The following CNGB1 variants were observed in gnomAD, a reference collection of about 807,000 sequenced individuals.
CNGB1 encodes the protein cyclic nucleotide gated channel subunit beta 1.
A neutral mutation model predicts 151.7 loss-of-function variants in CNGB1; 126 were observed. The ratio of observed to expected loss-of-function variants is 0.83; its 90% CI spans 0.72 to 0.96. CNGB1 has a LOEUF of 0.96. Among genes scored for constraint, CNGB1 ranks in the 40% least tolerant of loss-of-function variants. CNGB1 has a pLI of 0.00. For synonymous variants in CNGB1, 623 were observed against 635.1 expected (o/e 0.98, Z 0.29); for missense variants, 1,698 against 1,627.0 (o/e 1.04, Z -0.75).
chr16:57,921,828 C>T (rs966377269), intron 18 of CNGB1, among the ~76,000 whole-genome samples: 1 of 152,122 alleles, frequency 6.6e-6, no homozygotes, highest in Non-Finnish European at 1.5e-5. Context: ...TGGAGCAGAA[C>T]CTTCTGCTGA....
At position 57,884,381 on chromosome 16, in the gene CNGB1, G is replaced by A; in HGVS notation, c.3539C>T (p.Ala1180Val). The A allele has an allele frequency of 6.2e-7, 1 of 1,612,442 alleles. No homozygotes were observed. The highest frequency in any genetic ancestry group is 8.5e-7 in the Non-Finnish European group (1 of 1,179,552). The change falls in exon 33 of 33, where the codon GCC becomes GTC. Residue 1180 changes from alanine (A) to valine (V), a missense_variant. Coordinates refer to ENST00000251102, the MANE Select transcript of CNGB1 (RefSeq NM_001297.5). ...PDQHTHPKEAATDPPAPRTPP... is the reference protein window; with the variant it reads ...PDQHTHPKEAVTDPPAPRTPP... Reference sequence around the variant, plus strand: ...CGTCCGGGGCGCGGGTGGGTCGGTGGCGGCCTCCTTTGGGTGCGTGTGCTG... The same window carrying A: ...CGTCCGGGGCGCGGGTGGGTCGGTGACGGCCTCCTTTGGGTGCGTGTGCTG...
At chr16:57,886,434 C>T (rs530929135) in intron 32 of CNGB1, among the ~76,000 whole-genome samples, 1 of 152,310 alleles carries the variant, frequency 6.6e-6, no homozygotes, top group Admixed American at 6.5e-5. Context: ...TTGCCAGCTC[C>T]ACCTTGACCT....
chr16:57,944,238 T>G (rs916887013), intron 14 of CNGB1, among the ~76,000 whole-genome samples: 3 of 152,326 alleles, frequency 2.0e-5, no homozygotes, highest in East Asian at 1.9e-4. Context: ...TTTTGTCATT[T>G]GTGAACCTTG....
In CNGB1 at chr16:57,921,198, G is replaced by A. The variant is rs145801476; in HGVS notation, c.1644-654C>T. ...TTTTTGAGCTCAACTGAGGAAGACG[G>A]GCTGGAGAAAATGAGGCTCTTTTTT... On this transcript the variant is annotated intron_variant, in intron 18 of 32. Transcript: ENST00000251102. Among the ~76,000 whole-genome samples, 684 of 150,856 alleles carry A rather than the reference G, an allele frequency of 4.5e-3. 8 individuals are homozygous for A. The highest frequency in any genetic ancestry group is 0.016 in the African/African-American group (651 of 40,924).
rs1960722951 is a variant in CNGB1 at position 57,911,815 on chromosome 16, G to A, written c.2430C>T (p.Tyr810=). 2 of 1,614,126 alleles carry A rather than the reference G, an allele frequency of 1.2e-6. No homozygotes were observed. The highest frequency in any genetic ancestry group is 4.5e-5 in the East Asian group (2 of 44,882). The change falls in exon 25 of 33, where the codon TAC becomes TAT. Residue 810 remains tyrosine (Y), a synonymous_variant. Transcript: ENST00000251102. ...CGAGGCCCTGATAGGCCGATGCCCAGTAATAAAGACAGGAATTCAAATGCA... is the reference window on the plus strand; with the variant it reads ...CGAGGCCCTGATAGGCCGATGCCCAATAATAAAGACAGGAATTCAAATGCA... ...YSLHLNSCLY[Y]WASAYQGLGS...
Position 57,964,503 on chromosome 16 carries a change from T to C in CNGB1, c.201A>G (p.Ala67=). 1.2e-6 allele frequency: 2 copies of C among 1,614,166 alleles called. No homozygotes were observed. The change falls in exon 3 of 33, where the codon GCA becomes GCG. Residue 67 remains alanine, a synonymous_variant. Transcript: ENST00000251102. ...ESFKEEEVAV[A]DPSPQETKEA... ...CGCACTCACCCTGAGGGCTTGGGTC[T>C]GCCACAGCCACTTCCTCCTCCTTGA...
At position 57,884,128 on chromosome 16, in the gene CNGB1, T is replaced by TGCTGGAACTGCGC. The variant is rs757224951; in HGVS notation, c.*23_*35dup. ...GCGCAGCGGGCGCTGGGGACACACC[T>TGCTGGAACTGCGC]GCTGGAACTGCGCGCGGGATCCGCC... On this transcript the variant is annotated 3_prime_UTR_variant, in exon 33 of 33. Transcript: ENST00000251102. 3.3e-5 allele frequency: 54 copies of TGCTGGAACTGCGC among 1,613,644 alleles called. No homozygotes were observed. Among genetic ancestry groups the TGCTGGAACTGCGC allele is most frequent in the Non-Finnish European group, 4.5e-5 (53 of 1,179,784 alleles).
intron 12 of CNGB1, chr16:57,954,802 A>G: frequency 1.0e-6 from 1 of 989,914 alleles, no homozygotes; most frequent in Non-Finnish European, 1.2e-6. Flanking sequence ...GAAAAACTGT[A>G]TCCTGTCGAG....
intron 14 of CNGB1, 70 bp downstream of exon 14, chr16:57,949,283 G>A: frequency 7.5e-6 from 12 of 1,599,388 alleles, no homozygotes; most frequent in Non-Finnish European, 1.0e-5. Flanking sequence ...AGCAAAGAGT[G>A]CCCAGACCCC....
At chr16:57,897,277 G>A in intron 31 of CNGB1, 120 bp downstream of exon 31, 1 of 1,100,444 alleles carries the variant, frequency 9.1e-7, no homozygotes, top group Non-Finnish European at 1.3e-6. Context: ...ACTCCAGACT[G>A]GGTGACAGAG....
intron 25 of CNGB1, among the ~76,000 whole-genome samples, chr16:57,909,001 T>C (rs393392): frequency 0.58 from 88,374 of 152,128 alleles, 26,316 homozygotes; most frequent in African/African-American, 0.73. Context: ...TAAAATGAGG[T>C]GCACACCTGT....
chr16:57,959,116 C>T (rs1962171278), intron 10 of CNGB1, among the ~76,000 whole-genome samples: 1 of 151,968 alleles, frequency 6.6e-6, no homozygotes, highest in Non-Finnish European at 1.5e-5. Context: ...TATTTATCCT[C>T]CAGATTTACT....
In CNGB1 at chr16:57,920,560, C is replaced by A. The variant is rs776554781; in HGVS notation, c.1644-16G>T. 1 of 1,610,708 alleles carries A rather than the reference C, an allele frequency of 6.2e-7. No individual in the cohort carries two copies. The highest frequency in any genetic ancestry group is 8.5e-7 in the Non-Finnish European group (1 of 1,179,970). ...GTCCTGGCCACTGTGGGAACATCACCCAAAGCTGAGCAGGCTGAGCCGGGA... is the reference window on the plus strand; with the variant it reads ...GTCCTGGCCACTGTGGGAACATCACACAAAGCTGAGCAGGCTGAGCCGGGA... On this transcript the variant is annotated splice_polypyrimidine_tract_variant and intron_variant, in intron 18 of 32. Transcript: ENST00000251102.
intron 31 of CNGB1, among the ~76,000 whole-genome samples, chr16:57,893,184 C>G (rs1405644903): frequency 6.6e-6 from 1 of 152,118 alleles, no homozygotes; most frequent in Non-Finnish European, 1.5e-5. Flanking sequence ...AGGAGGAAAA[C>G]CCAGATATGT....
intron 31 of CNGB1, among the ~76,000 whole-genome samples, chr16:57,891,800 A>G (rs9923118): frequency 0.26 from 39,255 of 151,948 alleles, 6,741 homozygotes; most frequent in African/African-American, 0.5. Context: ...CAGGTGATCC[A>G]CCCACCTCAG....
chr16:57,939,446 C>T lies in CNGB1; in HGVS notation c.1356G>A (p.Glu452=). 1 of 1,614,170 alleles carries T rather than the reference C, an allele frequency of 6.2e-7. No homozygotes were observed. The highest frequency in any genetic ancestry group is 8.5e-7 in the Non-Finnish European group (1 of 1,180,024). Residue 452 remains glutamate (E), a synonymous_variant, in exon 16 of 33, where the codon GAG becomes GAA. Transcript: ENST00000251102. ...ETKEEPEAEA[E]AASSGVPATK... ...CACACCTACCTCCTGAACTGGCAGC[C>T]TCGGCCTCAGCCTCAGGCTCCTCCT...
intron 14 of CNGB1, among the ~76,000 whole-genome samples, chr16:57,941,412 G>A (rs991688703): frequency 3.9e-5 from 6 of 152,200 alleles, no homozygotes; most frequent in African/African-American, 1.4e-4. Flanking sequence ...GGGGCAGGAA[G>A]GTGGAGACGG....
rs773698242 is a variant in CNGB1 at position 57,897,514 on chromosome 16, C to A, written c.3125G>T (p.Arg1042Leu). The change falls in exon 31 of 33, where the codon CGC (arginine) becomes CTC (leucine). Residue 1042 changes from arginine to leucine, a missense_variant. Coordinates refer to ENST00000251102, the MANE Select transcript of CNGB1 (RefSeq NM_001297.5). ...SLLAVGGGNRRTANVVAHGFT... is the reference protein window; with the variant it reads ...SLLAVGGGNRLTANVVAHGFT... ...CCCGTGCGCCACCACGTTGGCCGTG[C>A]GCCGGTTCCCGCCCCCAACAGCCAG... The A allele has an allele frequency of 1.2e-6, 2 of 1,614,034 alleles. No homozygotes were observed. The highest frequency in any genetic ancestry group is 1.3e-5 in the African/African-American group (1 of 74,920).
intron 18 of CNGB1, 53 bp downstream of exon 18, chr16:57,923,220 C>CAA: frequency 1.8e-6 from 2 of 1,092,434 alleles, no homozygotes; most frequent in Non-Finnish European, 2.7e-6. Flanking sequence ...CCCCCCACAT[C>CAA]CCCCACCCTC....
Sources: gnomAD v4.1 joint callset for allele counts (sites outside exome capture counted in the v4.1 genomes callset) on GRCh38, gnomAD v4.1.1 for gene constraint, MANE v1.5 for transcripts, NCBI Gene and HGNC (gene_info 2026-07-23, HGNC 2026-07-21) for gene names.